The following NOSTRIN variants were observed in gnomAD, a reference collection of about 807,000 sequenced individuals.
The protein encoded by NOSTRIN is BM247 homolog.
A neutral mutation model predicts 59.0 loss-of-function variants in NOSTRIN; 63 were observed. The ratio of observed to expected loss-of-function variants is 1.07; its 90% CI spans 0.87 to 1.32. NOSTRIN has a LOEUF of 1.32. NOSTRIN is among the 40% of genes most tolerant of loss of function. The probability of loss-of-function intolerance (pLI) is 0.00; values close to 1 mark genes in which losing one functional copy is unlikely to be tolerated. For synonymous variants in NOSTRIN, 200 were observed against 165.4 expected (o/e 1.21, Z -1.61); for missense variants, 512 against 473.1 (o/e 1.08, Z -0.76).
chr2:168,850,319 C>A (rs1482748917), intron 8 of NOSTRIN, among the ~76,000 whole-genome samples: 1 of 152,198 alleles, frequency 6.6e-6, no homozygotes, highest in African/African-American at 2.4e-5. Flanking sequence ...TGTCATCTCA[C>A]ACAAAATAAA....
At chr2:168,834,519 A>ACG (rs1687599868) in intron 7 of NOSTRIN, among the ~76,000 whole-genome samples, 194 bp downstream of exon 7, 1 of 137,408 alleles carries the variant, frequency 7.3e-6, no homozygotes, top group African/African-American at 2.9e-5. Flanking sequence ...ACACACACAC[A>ACG]CACACACACA....
At chr2:168,787,875 AAG>A (rs10564930) in exon 2 of NOSTRIN, 45,574 of 151,906 alleles carry the variant, frequency 0.3, 8,524 homozygotes, top group South Asian at 0.52. Flanking sequence ...ACTGAAGCAC[AAG>A]AGGGTAAAAA....
chr2:168,850,731 G>A, intron 8 of NOSTRIN: 1 of 682,082 alleles, frequency 1.5e-6, no homozygotes, highest in African/African-American at 1.8e-5. Context: ...TGCCCAACAT[G>A]GTGAAACCCC....
At chr2:168,841,248 AAAAAAAAAAAAAAG>A (rs1283948196) in intron 7 of NOSTRIN, among the ~76,000 whole-genome samples, 4 of 54,238 alleles carry the variant, frequency 7.4e-5, no homozygotes, top group African/African-American at 1.8e-4. Context: ...AAAAAAAAAA[AAAAAAAAAAAAAAG>A]AAAAGAAAAA....
At chr2:168,843,195 A>T (rs1425707608) in intron 8 of NOSTRIN, 78 bp downstream of exon 8, 7 of 787,098 alleles carry the variant, frequency 8.9e-6, no homozygotes, top group East Asian at 7.4e-5. Context: ...GATTACAGTG[A>T]CAAGACCTGC....
At chr2:168,839,636 G>A (rs1378040214) in intron 7 of NOSTRIN, among the ~76,000 whole-genome samples, 2 of 152,034 alleles carry the variant, frequency 1.3e-5, no homozygotes, top group East Asian at 1.9e-4. Flanking sequence ...GTCTACAGCC[G>A]GGCGCAGTGG....
At chr2:168,842,014 G>A (rs1296536722) in intron 7 of NOSTRIN, among the ~76,000 whole-genome samples, 2 of 152,214 alleles carry the variant, frequency 1.3e-5, no homozygotes, top group Non-Finnish European at 2.9e-5. Flanking sequence ...AATGGGGCAG[G>A]ATCCTCTCTG....
At chr2:168,787,205 G>T (rs753263723) in intron 1 of NOSTRIN, among the ~76,000 whole-genome samples, 4 of 152,062 alleles carry the variant, frequency 2.6e-5, no homozygotes, top group African/African-American at 9.7e-5. Context: ...TGAGACAAAG[G>T]GCATAGCGTG....
At position 168,824,800 on chromosome 2, in the gene NOSTRIN, A is replaced by G; in HGVS notation, c.197+83A>G. 3 of 365,520 alleles carry G rather than the reference A, an allele frequency of 8.2e-6. No individual in the cohort carries two copies. In the Admixed American group the frequency reaches 1.0e-4, roughly 13 times the overall value. The allele number at this position is 365,520 out of a possible 1,614,324, so 22.6% of individuals were successfully genotyped here. On this transcript the variant is annotated intron_variant, in intron 3 of 15. Coordinates refer to ENST00000317647, the MANE Select transcript of NOSTRIN (RefSeq NM_001039724.4). ...TGTTTGTTTGTTTGTTTTTTGAGACAGGGTCTTGCTCTGTTACCTGGGTTA... is the reference window on the plus strand; with the variant it reads ...TGTTTGTTTGTTTGTTTTTTGAGACGGGGTCTTGCTCTGTTACCTGGGTTA...
At chr2:168,806,313 C>A (rs917543833) in intron 1 of NOSTRIN, among the ~76,000 whole-genome samples, 1 of 152,010 alleles carries the variant, frequency 6.6e-6, no homozygotes, top group African/African-American at 2.4e-5. Context: ...ATAAATTTTT[C>A]TATAACTTTT....
chr2:168,813,444 T>C (rs1686249241), intron 2 of NOSTRIN, among the ~76,000 whole-genome samples: 1 of 152,178 alleles, frequency 6.6e-6, no homozygotes, highest in Non-Finnish European at 1.5e-5. Flanking sequence ...TCTCACTGTT[T>C]TTCTTTTTTC....
chr2:168,802,528 A>C, upstream of NOSTRIN: 1 of 747,296 alleles, frequency 1.3e-6, no homozygotes, highest in Non-Finnish European at 2.4e-6. Flanking sequence ...AATGTTTGAC[A>C]AGGACTGACG....
chr2:168,855,964 G>A (rs1283118074), intron 11 of NOSTRIN: 2 of 439,780 alleles, frequency 4.5e-6, no homozygotes, highest in African/African-American at 4.1e-5. Context: ...TGACTCTGAT[G>A]TCTACCTAGT....
chr2:168,812,529 A>G (rs986381695), intron 2 of NOSTRIN, among the ~76,000 whole-genome samples: 2 of 152,192 alleles, frequency 1.3e-5, no homozygotes, highest in Non-Finnish European at 2.9e-5. Context: ...AATACATGCT[A>G]TACCCATCAC....
At chr2:168,830,547 G>T (rs531318567) in intron 5 of NOSTRIN, among the ~76,000 whole-genome samples, 2 of 152,316 alleles carry the variant, frequency 1.3e-5, no homozygotes, top group East Asian at 1.9e-4. Flanking sequence ...ATCTCAGAGT[G>T]GTTGAATAAC....
At chr2:168,836,975 T>A (rs1687758928) in intron 7 of NOSTRIN, among the ~76,000 whole-genome samples, 1 of 152,160 alleles carries the variant, frequency 6.6e-6, no homozygotes, top group Non-Finnish European at 1.5e-5. Flanking sequence ...TCTGGAAGTG[T>A]GGGATCAGGT....
upstream of NOSTRIN, among the ~76,000 whole-genome samples, chr2:168,796,697 T>C (rs569358640): frequency 6.6e-6 from 1 of 152,318 alleles, no homozygotes; most frequent in East Asian, 1.9e-4. Flanking sequence ...CCCCTTGGGA[T>C]TCTTGCGGAA....
At chr2:168,789,558 G>C (rs1469178187) in intron 2 of NOSTRIN, among the ~76,000 whole-genome samples, 1 of 152,176 alleles carries the variant, frequency 6.6e-6, no homozygotes, top group Non-Finnish European at 1.5e-5. Context: ...TACAATTCAA[G>C]GTGAGATTTG....
intron 2 of NOSTRIN, among the ~76,000 whole-genome samples, chr2:168,789,286 T>G (rs767349295): frequency 5.9e-5 from 9 of 152,224 alleles, no homozygotes; most frequent in Non-Finnish European, 4.4e-5. Context: ...AAGACATACC[T>G]GAGACTGGGT....
Sources: allele counts gnomAD v4.1 joint callset (sites outside exome capture counted in the v4.1 genomes callset), GRCh38; gene constraint gnomAD v4.1.1; transcripts MANE v1.5; gene names NCBI Gene and HGNC (gene_info 2026-07-23, HGNC 2026-07-21).